FBXL2: variants seen among roughly 807,000 people sequenced by gnomAD.
FBXL2 encodes the protein F-box/LRR-repeat protein 2.
Under a neutral mutation model 69.2 loss-of-function variants are expected in FBXL2, and 38 were observed. The ratio of observed to expected loss-of-function variants is 0.55; its 90% CI spans 0.42 to 0.72. The LOEUF (loss-of-function observed/expected upper bound fraction) is 0.72. Among genes scored for constraint, FBXL2 ranks in the 30% least tolerant of loss-of-function variants. The pLI, the probability that FBXL2 is intolerant of heterozygous loss-of-function variation, is 0.00. For missense variants in FBXL2, 354 were observed against 520.3 expected, an observed-to-expected ratio of 0.68 and a Z score of 3.11; for synonymous variants, 192 against 201.3, an observed-to-expected ratio of 0.95 and a Z score of 0.39.
chr3:33,308,326 T>A (rs1390240961), intron 2 of FBXL2, among the ~76,000 whole-genome samples: 1 of 152,238 alleles, frequency 6.6e-6, no homozygotes, highest in Non-Finnish European at 1.5e-5. Context: ...TATAGTCTGG[T>A]TGCTAGAGAT....
At chr3:33,322,300 G>T (rs2038302020) in intron 2 of FBXL2, among the ~76,000 whole-genome samples, 1 of 151,912 alleles carries the variant, frequency 6.6e-6, no homozygotes, top group Non-Finnish European at 1.5e-5. Context: ...CAGTGGTCTT[G>T]ATCTCCTGAT....
At chr3:33,407,359 TA>T (rs889941476), downstream of FBXL2, among the ~76,000 whole-genome samples, 1 of 152,172 alleles carries the variant, frequency 6.6e-6, no homozygotes, top group African/African-American at 2.4e-5. Flanking sequence ...CCTACTTCTT[TA>T]TTAGTTAAAT....
At chr3:33,373,428 C>T in intron 7 of FBXL2, 73 bp downstream of exon 7, 1 of 1,512,990 alleles carries the variant, frequency 6.6e-7, no homozygotes, top group Admixed American at 1.7e-5. Context: ...TCTTAATGGT[C>T]ACGTTGGATC....
intron 1 of FBXL2, among the ~76,000 whole-genome samples, chr3:33,278,876 G>A (rs1237254949): frequency 6.6e-6 from 1 of 152,144 alleles, no homozygotes; most frequent in African/African-American, 2.4e-5. Context: ...TGTTATATGT[G>A]AGAAAAGCCC....
At chr3:33,321,282 C>T (rs1460430176) in intron 2 of FBXL2, among the ~76,000 whole-genome samples, 7 of 146,768 alleles carry the variant, frequency 4.8e-5, no homozygotes, top group African/African-American at 1.0e-4. Flanking sequence ...TGCACTCCAG[C>T]CTGGGTGACA....
At chr3:33,309,983 A>T (rs1474017702) in intron 2 of FBXL2, among the ~76,000 whole-genome samples, 1 of 152,118 alleles carries the variant, frequency 6.6e-6, no homozygotes, top group Non-Finnish European at 1.5e-5. Flanking sequence ...CAACATAACA[A>T]GACCTTTTCT....
chr3:33,403,201 C>T (rs1480189955), intron 12 of FBXL2: 1 of 298,942 alleles, frequency 3.3e-6, no homozygotes, highest in African/African-American at 2.3e-5. Flanking sequence ...GAAGAGCTTT[C>T]TCCTCCCTCT....
chr3:33,286,060 G>C (rs2034581500), intron 1 of FBXL2, among the ~76,000 whole-genome samples: 1 of 152,186 alleles, frequency 6.6e-6, no homozygotes, highest in Non-Finnish European at 1.5e-5. Flanking sequence ...TCTCCATCCA[G>C]CTTTGTTCTG....
intron 12 of FBXL2, chr3:33,398,489 TG>T (rs2044094947): frequency 6.6e-6 from 1 of 152,232 alleles, no homozygotes; most frequent in Non-Finnish European, 1.5e-5. Flanking sequence ...TACAGAGAAC[TG>T]GACAGATAAC....
chr3:33,368,731 C>T (rs1372393946), intron 5 of FBXL2, among the ~76,000 whole-genome samples: 4 of 152,002 alleles, frequency 2.6e-5, no homozygotes, highest in South Asian at 4.1e-4. Flanking sequence ...GGACCACAGG[C>T]GTGTGCCACC....
chr3:33,420,746 C>T, the FBXL2 span, among the ~76,000 whole-genome samples: 2 of 152,166 alleles, frequency 1.3e-5, no homozygotes, highest in African/African-American at 4.8e-5. Context: ...CTCTGCCTCC[C>T]AAAGTGCTGG....
chr3:33,308,501 A>G (rs2125752670), intron 2 of FBXL2, among the ~76,000 whole-genome samples: 1 of 152,238 alleles, frequency 6.6e-6, no homozygotes, highest in Non-Finnish European at 1.5e-5. Flanking sequence ...TTCCATCCAC[A>G]CTGATAGTCC....
chr3:33,292,525 G>T (rs968050495), intron 1 of FBXL2, among the ~76,000 whole-genome samples: 1 of 151,758 alleles, frequency 6.6e-6, no homozygotes, highest in Non-Finnish European at 1.5e-5. Context: ...GACAGAACTT[G>T]TGAAGAAAAA....
the FBXL2 span, among the ~76,000 whole-genome samples, chr3:33,414,659 T>G: frequency 6.6e-6 from 1 of 152,152 alleles, no homozygotes; most frequent in Non-Finnish European, 1.5e-5. Context: ...GGATGTAATT[T>G]CCAAGAAACT....
At chr3:33,411,252 C>A in the FBXL2 span, among the ~76,000 whole-genome samples, 3 of 151,924 alleles carry the variant, frequency 2.0e-5, no homozygotes, top group Non-Finnish European at 4.4e-5. Context: ...AATTTTAAAA[C>A]CTCAATCTTT....
chr3:33,418,845 A>T, the FBXL2 span, among the ~76,000 whole-genome samples: 1 of 144,226 alleles, frequency 6.9e-6, no homozygotes, highest in Non-Finnish European at 1.5e-5. Context: ...GGCAACAAGA[A>T]CGAAACTCTG....
At position 33,357,623 on chromosome 3, in the gene FBXL2, G is replaced by A. The variant is rs149704713; in HGVS notation, c.66-1344G>A. ...CGGCTCACTGCAGGCTCCGCCTCCC[G>A]GGTTCACGCCATTCTCCTGCCTCAG... On this transcript the variant is annotated intron_variant, in intron 2 of 14. Coordinates refer to ENST00000484457, the MANE Select transcript of FBXL2 (RefSeq NM_012157.5). Among the ~76,000 whole-genome samples the A allele has an allele frequency of 6.2e-3, 863 of 139,230 alleles. 11 individuals carry two copies. Among genetic ancestry groups the A allele is most frequent in the African/African-American group, 0.022 (806 of 37,318 alleles). The allele number at this position is 139,230 out of a possible 152,430, so 91.3% of individuals were successfully genotyped here. A position where few individuals can be genotyped will look rare whatever the true frequency, so the allele number is the denominator to read the frequency against.
At chr3:33,355,183 G>C (rs569886921) in intron 2 of FBXL2, among the ~76,000 whole-genome samples, 2 of 152,176 alleles carry the variant, frequency 1.3e-5, no homozygotes, top group South Asian at 4.2e-4. Flanking sequence ...TCCTCCCTTA[G>C]CCTTCCAAAG....
chr3:33,395,463 C>T (rs1459599505), intron 12 of FBXL2, among the ~76,000 whole-genome samples: 1 of 151,102 alleles, frequency 6.6e-6, no homozygotes, highest in East Asian at 1.9e-4. Flanking sequence ...TTTTTAAGGG[C>T]CATATTTAGA....
Sources: allele counts gnomAD v4.1 joint callset (sites outside exome capture counted in the v4.1 genomes callset), GRCh38; gene constraint gnomAD v4.1.1; transcripts MANE v1.5; gene names NCBI Gene and HGNC (gene_info 2026-07-23, HGNC 2026-07-21).